Variants in CTPS2 observed in about 807,000 individuals in gnomAD.
The protein encoded by CTPS2 is CTP synthase 2.
CTPS2 carries 19 observed loss-of-function variants against 46.8 expected under a neutral mutation model. That is an observed-to-expected ratio of 0.41 (90% CI 0.28 to 0.60). The LOEUF is 0.60. Ranked by LOEUF, CTPS2 falls within the 20% of genes least tolerant of loss-of-function variation. The pLI is 0.35. For missense variants in CTPS2, 286 were observed against 447.6 expected (o/e 0.64, Z 3.26); for synonymous variants, 151 against 165.2 (o/e 0.91, Z 0.66).
At chrX:16,649,337 C>A (rs1932484437) in intron 13 of CTPS2, among the ~76,000 whole-genome samples, 1 of 112,469 alleles carries the variant, frequency 8.9e-6, no homozygotes, top group Non-Finnish European at 1.9e-5. Context: ...TACTGAGTAT[C>A]TTCTTTCCAC....
chrX:16,710,132 C>A (rs773528615), intron 1 of CTPS2, among the ~76,000 whole-genome samples: 25 of 111,141 alleles, frequency 2.2e-4, no homozygotes, highest in African/African-American at 8.2e-4. Flanking sequence ...TTCCTCTCAA[C>A]CACCTTTCTA....
chrX:16,690,039 A>G, intron 7 of CTPS2, among the ~76,000 whole-genome samples: 1 of 101,591 alleles, frequency 9.8e-6, no homozygotes, highest in African/African-American at 3.7e-5. Flanking sequence ...GTGACAGAGC[A>G]AGACTGTATC....
chrX:16,688,198 G>A (rs1923400314), intron 8 of CTPS2, among the ~76,000 whole-genome samples: 1 of 111,324 alleles, frequency 9.0e-6, no homozygotes, highest in Non-Finnish European at 1.9e-5. Context: ...AGAAGTTCGA[G>A]ACCAGCCTGG....
intron 13 of CTPS2, among the ~76,000 whole-genome samples, chrX:16,657,583 G>A (rs1481916691): frequency 1.8e-5 from 2 of 111,495 alleles, no homozygotes; most frequent in East Asian, 2.8e-4. Flanking sequence ...GGGCAGATGG[G>A]GGGGCAGGAA....
At chrX:16,650,659 C>G (rs752261752) in intron 13 of CTPS2, among the ~76,000 whole-genome samples, 1 of 108,375 alleles carries the variant, frequency 9.2e-6, no homozygotes, top group East Asian at 2.9e-4. Context: ...ACTATAGGCA[C>G]GCACCACCAC....
At chrX:16,674,645 T>A (rs367601007) in intron 10 of CTPS2, among the ~76,000 whole-genome samples, 1 of 103,929 alleles carries the variant, frequency 9.6e-6, no homozygotes, top group African/African-American at 3.6e-5. Flanking sequence ...GAGACCATCC[T>A]GGCTAACACG....
intron 4 of CTPS2, among the ~76,000 whole-genome samples, 185 bp downstream of exon 4, chrX:16,698,051 A>T (rs1395671266): frequency 1.8e-5 from 2 of 111,267 alleles, no homozygotes; most frequent in Non-Finnish European, 1.9e-5. Context: ...TCTAATGCCA[A>T]TCTTGCCCAC....
chrX:16,660,161 T>C (rs1291054128), intron 13 of CTPS2, among the ~76,000 whole-genome samples: 1 of 111,503 alleles, frequency 9.0e-6, no homozygotes, highest in Admixed American at 9.5e-5. Flanking sequence ...GTAATGCCAA[T>C]TTAGATTCCC....
At chrX:16,640,501 C>T (rs1932026587) in intron 13 of CTPS2, among the ~76,000 whole-genome samples, 1 of 111,487 alleles carries the variant, frequency 9.0e-6, no homozygotes, top group African/African-American at 3.3e-5. Context: ...CTGGCGAGTG[C>T]TTTGTGGGAG....
intron 2 of CTPS2, among the ~76,000 whole-genome samples, chrX:16,700,993 GT>G (rs1187027860): frequency 9.0e-6 from 1 of 111,710 alleles, no homozygotes; most frequent in Non-Finnish European, 1.9e-5. Flanking sequence ...AGGACTTTCT[GT>G]TTTAAAATCA....
In CTPS2 at chrX:16,670,447, T is replaced by C. The variant is rs1921649591; in HGVS notation, c.1189+133A>G. The C allele has an allele frequency of 8.3e-6, 4 of 484,394 alleles. No homozygotes were observed. In the South Asian group the frequency reaches 1.1e-4, roughly 13 times the overall value. The allele number at this position is 484,394 out of a possible 1,213,427, so 39.9% of individuals were successfully genotyped here. ...TTTAGAATATAGTTTGTTGACCCTA[T>C]AGCAGACTATTTGGCACCTGAACTT... On this transcript the variant is annotated intron_variant, in intron 11 of 18. Transcript: ENST00000359276.
intron 18 of CTPS2, 136 bp downstream of exon 18, chrX:16,590,616 G>T: frequency 2.6e-6 from 1 of 387,214 alleles, no homozygotes; most frequent in Non-Finnish European, 4.5e-6. Flanking sequence ...TGCGTGTCCT[G>T]CTAACTGTGC....
chrX:16,630,497 G>A (rs184122600), intron 14 of CTPS2, among the ~76,000 whole-genome samples: 4 of 110,028 alleles, frequency 3.6e-5, no homozygotes, highest in South Asian at 3.9e-4. Context: ...CAGGTGATCC[G>A]CCCACCTCGG....
intron 9 of CTPS2, among the ~76,000 whole-genome samples, chrX:16,680,618 A>G (rs1479469359): frequency 9.0e-6 from 1 of 111,271 alleles, no homozygotes; most frequent in Non-Finnish European, 1.9e-5. Flanking sequence ...AAACTTTAAG[A>G]TACAAATTTC....
rs1928749445 is a variant in CTPS2, at chrX:16,588,892, C to A, written c.*925G>T. 8.9e-6 allele frequency: 1 copy of A among 112,155 alleles called. No homozygotes were observed. Among genetic ancestry groups the A allele is most frequent in the East Asian group, 2.8e-4 (1 of 3,599 alleles). 9.2% of individuals were successfully genotyped at this position (112,155 alleles called of 1,213,427 possible). A position where few individuals can be genotyped will look rare whatever the true frequency, so the allele number is the denominator to read the frequency against. On this transcript the variant is annotated 3_prime_UTR_variant, in exon 19 of 19. Coordinates refer to ENST00000359276, the MANE Select transcript of CTPS2 (RefSeq NM_175859.3). ...TATATACAGGTTGAGCATCCCTAATCTGAAAATCCAAAATGCTCCAAAATT... is the reference window on the plus strand; with the variant it reads ...TATATACAGGTTGAGCATCCCTAATATGAAAATCCAAAATGCTCCAAAATT...
intron 5 of CTPS2, 51 bp downstream of exon 5, chrX:16,693,320 A>G (rs1183473476): frequency 1.9e-6 from 2 of 1,074,844 alleles, no homozygotes; most frequent in Non-Finnish European, 1.3e-6. Flanking sequence ...ATAGAATATC[A>G]TAGGAAAACT....
chrX:16,652,704 G>A (rs180745120), intron 13 of CTPS2, among the ~76,000 whole-genome samples: 13 of 111,892 alleles, frequency 1.2e-4, no homozygotes, highest in South Asian at 3.7e-4. Flanking sequence ...CAAAAAGTAC[G>A]TAAGACATAA....
At chrX:16,650,181 C>T (rs968535380) in intron 13 of CTPS2, 5 of 112,330 alleles carry the variant, frequency 4.5e-5, no homozygotes, top group Non-Finnish European at 9.4e-5. Context: ...ATTCTTCTAG[C>T]TGTTTCACTA....
intron 14 of CTPS2, among the ~76,000 whole-genome samples, chrX:16,627,720 T>C (rs1931236746): frequency 8.9e-6 from 1 of 111,927 alleles, no homozygotes; most frequent in Admixed American, 9.5e-5. Context: ...TGCTTGTGTC[T>C]ATCCTTAAGC....
Sources: allele counts gnomAD v4.1 joint callset (sites outside exome capture counted in the v4.1 genomes callset), GRCh38; gene constraint gnomAD v4.1.1; transcripts MANE v1.5; gene names NCBI Gene and HGNC (gene_info 2026-07-23, HGNC 2026-07-21).